Variants in NCAPD2 observed in about 807,000 individuals in gnomAD.
NCAPD2 encodes the protein non-SMC condensin I complex subunit D2.
NCAPD2 carries 100 observed loss-of-function variants against 164.5 expected under a neutral mutation model. That is an observed-to-expected ratio of 0.61 (90% CI 0.52 to 0.72). The LOEUF is 0.72. Ranked by LOEUF, NCAPD2 falls within the 30% of genes least tolerant of loss-of-function variation. The pLI is 0.00. For synonymous variants in NCAPD2, 585 were observed against 642.6 expected (o/e 0.91, Z 1.36); for missense variants, 1,560 against 1,749.2 (o/e 0.89, Z 1.93).
chr12:6,522,218 G>A (rs1946270171), intron 15 of NCAPD2, among the ~76,000 whole-genome samples, 181 bp downstream of exon 15: 2 of 152,222 alleles, frequency 1.3e-5, no homozygotes, highest in South Asian at 4.1e-4. Context: ...ACAGGTGTGA[G>A]CCACTGCACC....
intron 4 of NCAPD2, 85 bp downstream of exon 4, chr12:6,510,218 G>A: frequency 1.5e-6 from 2 of 1,376,806 alleles, no homozygotes; most frequent in Non-Finnish European, 2.1e-6. Context: ...CCTACATTTT[G>A]TCAGCCACAT....
chr12:6,525,660 C>T lies in NCAPD2; in HGVS notation c.2292C>T (p.Val764=), dbSNP rs546602664. ...TGTGGGAGCGGGCCACCGAGAAGGT[C>T]GCCTGCTGTCCTCTGGAGCGCTGTT... ...QLLWERATEK[V]ACCPLERCSS... Residue 764 remains valine, a synonymous_variant, in exon 18 of 32, where the codon GTC becomes GTT. Transcript: ENST00000315579. 12 of 1,613,460 alleles carry T rather than the reference C, an allele frequency of 7.4e-6. No individual in the cohort carries two copies. Among genetic ancestry groups the T allele is most frequent in the African/African-American group, 1.3e-5 (1 of 74,856 alleles).
chr12:6,502,483 G>T (rs759584219), intron 2 of NCAPD2, among the ~76,000 whole-genome samples: 15 of 152,194 alleles, frequency 9.9e-5, no homozygotes, highest in Non-Finnish European at 1.8e-4. Context: ...AGACTAGTCA[G>T]CTTGTTTCTG....
intron 2 of NCAPD2, among the ~76,000 whole-genome samples, chr12:6,502,786 C>T (rs1379930324): frequency 6.6e-6 from 1 of 152,034 alleles, no homozygotes; most frequent in Non-Finnish European, 1.5e-5. Context: ...GCACTTCGGC[C>T]TGCGCAACAC....
intron 4 of NCAPD2, 93 bp downstream of exon 4, chr12:6,510,226 C>CATG (rs768485579): frequency 7.6e-6 from 10 of 1,311,746 alleles, no homozygotes; most frequent in Non-Finnish European, 1.1e-5. Context: ...TTGTCAGCCA[C>CATG]ATGATGATAT....
rs945320663 is a variant in NCAPD2, at chr12:6,495,025, G to A, written c.-23-51G>A. On this transcript the variant is annotated intron_variant, in intron 1 of 31. Coordinates refer to ENST00000315579, the MANE Select transcript of NCAPD2 (RefSeq NM_014865.4). ...ATGGGAAAGTAATAGAACCAGATAC[G>A]AAGACAGGTCTTGAATATAGACCCT... The A allele has an allele frequency of 1.8e-5, 28 of 1,571,146 alleles. No homozygotes were observed. In the African/African-American group the frequency reaches 3.4e-4, roughly 19 times the overall value.
Position 6,527,809 on chromosome 12 carries a change from G to A in NCAPD2, c.2940G>A (p.Glu980=), listed in dbSNP as rs1414067503. The part of the protein sequence containing the change: ...NTSSETTMEE[E]LGLVGATADD... ...GCTCTGAGACCACCATGGAGGAGGA[G>A]CTGGGGCTGGTTGGGGCAACAGCAG... Residue 980 remains glutamate (E), a synonymous_variant, in exon 23 of 32, where the codon GAG becomes GAA. Coordinates refer to ENST00000315579, the MANE Select transcript of NCAPD2 (RefSeq NM_014865.4). 3 of 1,613,660 alleles carry A rather than the reference G, an allele frequency of 1.9e-6. No individual in the cohort carries two copies. The highest frequency in any genetic ancestry group is 2.7e-5 in the African/African-American group (2 of 74,910).
chr12:6,511,319 C>T (rs958683236), intron 6 of NCAPD2, 67 bp downstream of exon 6: 9 of 1,540,844 alleles, frequency 5.8e-6, no homozygotes, highest in East Asian at 2.3e-5. Context: ...ATAGATATGC[C>T]GTTTTTTTGG....
rs776016402 is a variant in NCAPD2, at chr12:6,528,866, A to C, written c.3477+10A>C. The stretch of plus-strand genomic sequence containing the variant: ...TGAGCTCTCCCACAAGGTGAGAGGC[A>C]GAGAGGCACTGAGGGCTGGCTGCAG... On this transcript the variant is annotated intron_variant, in intron 26 of 31. Coordinates refer to ENST00000315579, the MANE Select transcript of NCAPD2 (RefSeq NM_014865.4). The surrounding 1 kb of genome is among the most constrained non-coding windows in gnomAD (Gnocchi z 5.1). The C allele has an allele frequency of 8.7e-6, 14 of 1,612,890 alleles. No homozygotes were observed. Among genetic ancestry groups the C allele is most frequent in the Middle Eastern group, 1.6e-4 (1 of 6,082 alleles).
At position 6,531,360 on chromosome 12, in the gene NCAPD2, C is replaced by T. The variant is rs1946371764; in HGVS notation, c.4154C>T (p.Pro1385Leu). ...LSAEMTEDETPKKTTPILRAS... is the reference protein window; with the variant it reads ...LSAEMTEDETLKKTTPILRAS... ...GCAGAGATGACAGAAGACGAGACAC[C>T]CAAGAAAACAACTCCCATTCTCAGA... The change falls in exon 32 of 32, where the codon CCC becomes CTC. Residue 1385 changes from proline to leucine, a missense_variant. Physicochemically the swap from Pro to Leu is moderately conservative, Grantham distance 98. Transcript: ENST00000315579. The surrounding 1 kb of genome is among the most constrained non-coding windows in gnomAD (Gnocchi z 4.1). The T allele has an allele frequency of 6.2e-7, 1 of 1,613,646 alleles. No individual in the cohort carries two copies. The highest frequency in any genetic ancestry group is 1.3e-5 in the African/African-American group (1 of 74,858).
chr12:6,512,584 G>A (rs1339825222), intron 6 of NCAPD2, among the ~76,000 whole-genome samples: 1 of 152,238 alleles, frequency 6.6e-6, no homozygotes, highest in Non-Finnish European at 1.5e-5. Flanking sequence ...CAGACCGCAG[G>A]TTCTTGTGGG....
In NCAPD2 at chr12:6,528,934, C is replaced by T. The variant is rs1191137506; in HGVS notation, c.3478-11C>T. The T allele has an allele frequency of 6.2e-7, 1 of 1,614,088 alleles. No homozygotes were observed. The highest frequency in any genetic ancestry group is 1.1e-5 in the South Asian group (1 of 91,076). ...CCTCATCTCCTTAACATGGCTCTCT[C>T]TGTCTTACAGGGCAACGCAATCTAT... On this transcript the variant is annotated splice_polypyrimidine_tract_variant and intron_variant, in intron 26 of 31. Coordinates refer to ENST00000315579, the MANE Select transcript of NCAPD2 (RefSeq NM_014865.4). The surrounding 1 kb of genome is among the most constrained non-coding windows in gnomAD (Gnocchi z 5.1).
rs1280900191 is a variant in NCAPD2, at chr12:6,526,914, A to C, written c.2758A>C (p.Thr920Pro). 1 of 1,613,436 alleles carries C rather than the reference A, an allele frequency of 6.2e-7. No homozygotes were observed. Among genetic ancestry groups the C allele is most frequent in the Non-Finnish European group, 8.5e-7 (1 of 1,179,784 alleles). Residue 920 changes from threonine (T) to proline (P), a missense_variant, in exon 22 of 32, where the codon ACT becomes CCT. Transcript: ENST00000315579. The part of the protein sequence containing the change: ...DPKESPAMLP[T>P]FLLMNLLSLA... ...AGAGGAGTCCCCCGCAATGCTCCCC[A>C]CTTTCCTGTTGATGAACCTGCTGTC...
intron 18 of NCAPD2, 61 bp from the exon 19 acceptor site, chr12:6,526,007 C>T: frequency 1.3e-6 from 2 of 1,588,414 alleles, no homozygotes; most frequent in Non-Finnish European, 1.7e-6. Context: ...CCTATTGGCC[C>T]TTTCTCCCCC....
chr12:6,514,246 C>G lies in NCAPD2; in HGVS notation c.588-19C>G. 1.9e-6 allele frequency: 3 copies of G among 1,614,064 alleles called. No individual in the cohort carries two copies. Among genetic ancestry groups the G allele is most frequent in the Non-Finnish European group, 2.5e-6 (3 of 1,179,998 alleles). On this transcript the variant is annotated intron_variant, in intron 6 of 31. Transcript: ENST00000315579. ...ATTCAGACAGCTGCTTTCATCATCT[C>G]AAACTCTTCCTTTCTCAGTTTGGTT...
At chr12:6,509,528 C>G (rs1946126561) in intron 2 of NCAPD2, among the ~76,000 whole-genome samples, 189 bp from the exon 3 acceptor site, 1 of 152,230 alleles carries the variant, frequency 6.6e-6, no homozygotes, top group Non-Finnish European at 1.5e-5. Context: ...TCCCAAAGTG[C>G]TGGGATTACA....
chr12:6,516,940 ATACTT>A lies in NCAPD2; in HGVS notation c.1104_1108del (p.Leu369SerfsTer5), dbSNP rs746799615. The stretch of plus-strand genomic sequence containing the variant: ...CGAGACACCAGAGACCAGTTCTTGG[ATACTT>A]TACAAGCCCATGGCCATGATGTCAA... On this transcript the variant is annotated frameshift_variant, in exon 10 of 32. Transcript: ENST00000315579. LOFTEE classifies it high-confidence loss of function. 6.2e-7 allele frequency: 1 copy of A among 1,614,114 alleles called. No individual in the cohort carries two copies. Among genetic ancestry groups the A allele is most frequent in the Non-Finnish European group, 8.5e-7 (1 of 1,180,026 alleles).
At chr12:6,510,936 C>A in intron 5 of NCAPD2, 126 bp downstream of exon 5, 1 of 1,329,976 alleles carries the variant, frequency 7.5e-7, no homozygotes, top group Non-Finnish European at 1.0e-6. Flanking sequence ...AGAAAGAACT[C>A]AAAAGTGTCA....
In NCAPD2 at chr12:6,517,430, A is replaced by G. The variant is rs753244550; in HGVS notation, c.1251A>G (p.Ser417=). The G allele has an allele frequency of 1.2e-6, 2 of 1,614,144 alleles. No individual in the cohort carries two copies. Among genetic ancestry groups the G allele is most frequent in the African/African-American group, 2.7e-5 (2 of 74,948 alleles). The change falls in exon 11 of 32, where the codon TCA becomes TCG. Residue 417 remains serine, a synonymous_variant. Coordinates refer to ENST00000315579, the MANE Select transcript of NCAPD2 (RefSeq NM_014865.4). ...ALAVGRLADK[S]VLVCKNAIQL... ...CTGTGGGACGTCTGGCAGACAAGTC[A>G]GTGCTAGTATGTAAAAATGCCATCC...
Sources: allele counts gnomAD v4.1 joint callset (sites outside exome capture counted in the v4.1 genomes callset), GRCh38; gene constraint gnomAD v4.1.1; non-coding constraint Gnocchi (gnomAD v3.1); transcripts MANE v1.5; gene names NCBI Gene and HGNC (gene_info 2026-07-23, HGNC 2026-07-21).